The following BMP6 variants were observed in gnomAD, a reference collection of about 807,000 sequenced individuals.
The protein encoded by BMP6 is VG-1-R.
Under a neutral mutation model 54.1 loss-of-function variants are expected in BMP6, and 17 were observed. The ratio of observed to expected loss-of-function variants is 0.31; its 90% CI spans 0.22 to 0.47. The LOEUF is 0.47. Ranked by LOEUF, BMP6 falls within the 20% of genes least tolerant of loss-of-function variation. The pLI is 1.00. For synonymous variants in BMP6, 328 were observed against 291.2 expected, an observed-to-expected ratio of 1.13 and a Z score of -1.28; for missense variants, 720 against 690.4, an observed-to-expected ratio of 1.04 and a Z score of -0.48.
intron 1 of BMP6, among the ~76,000 whole-genome samples, chr6:7,798,484 G>A (rs1305355366): frequency 1.3e-5 from 2 of 152,220 alleles, no homozygotes; most frequent in Non-Finnish European, 2.9e-5. Context: ...GTGCGCATGA[G>A]CATCTCAGCA....
chr6:7,803,201 A>G lies in BMP6; in HGVS notation c.665-41939A>G, dbSNP rs191684015. Among the ~76,000 whole-genome samples the G allele has an allele frequency of 1.6e-4, 24 of 152,290 alleles. No individual in the cohort carries two copies. In the East Asian group the frequency reaches 4.3e-3, roughly 27 times the overall value. On this transcript the variant is annotated intron_variant, in intron 1 of 6. Transcript: ENST00000283147. Reference sequence around the variant, plus strand: ...AGCGTACATCCACCTCAAGGTAGAAAGACCGTGACTGGCTCAAGCTTGGCT... The same window carrying G: ...AGCGTACATCCACCTCAAGGTAGAAGGACCGTGACTGGCTCAAGCTTGGCT...
At chr6:7,869,929 C>G (rs562165297) in intron 4 of BMP6, among the ~76,000 whole-genome samples, 1 of 152,172 alleles carries the variant, frequency 6.6e-6, no homozygotes, top group African/African-American at 2.4e-5. Flanking sequence ...GTGCTGGGAG[C>G]TGCAGCATGT....
chr6:7,768,006 T>A (rs1757718249), intron 1 of BMP6, among the ~76,000 whole-genome samples: 1 of 152,036 alleles, frequency 6.6e-6, no homozygotes, highest in South Asian at 2.1e-4. Flanking sequence ...GGTCTCAGGT[T>A]TTTTTCTCCC....
chr6:7,851,412 C>T (rs1456944234), intron 2 of BMP6, among the ~76,000 whole-genome samples: 1 of 152,114 alleles, frequency 6.6e-6, no homozygotes, highest in Non-Finnish European at 1.5e-5. Flanking sequence ...GGTTTTTGCT[C>T]ACATATAGCA....
At chr6:7,776,513 C>T (rs890098903) in intron 1 of BMP6, among the ~76,000 whole-genome samples, 2 of 152,188 alleles carry the variant, frequency 1.3e-5, no homozygotes, top group African/African-American at 4.8e-5. Context: ...GAGGAAGAAC[C>T]TCATGGTGTC....
At chr6:7,837,190 T>C (rs1758888962) in intron 1 of BMP6, among the ~76,000 whole-genome samples, 1 of 152,264 alleles carries the variant, frequency 6.6e-6, no homozygotes, top group African/African-American at 2.4e-5. Flanking sequence ...CTTTTTCCTC[T>C]CTGTTGTTCC....
intron 1 of BMP6, among the ~76,000 whole-genome samples, chr6:7,792,703 G>C (rs956236329): frequency 2.0e-4 from 31 of 152,232 alleles, no homozygotes; most frequent in Non-Finnish European, 4.4e-5. Context: ...GGCAGAGCCA[G>C]TAACAGAGGA....
intron 1 of BMP6, among the ~76,000 whole-genome samples, chr6:7,767,773 T>C (rs1757713963): frequency 2.0e-5 from 3 of 152,200 alleles, no homozygotes; most frequent in Admixed American, 2.0e-4. Context: ...GCTTGCTGTG[T>C]CTCTTGTGTT....
chr6:7,743,024 A>G (rs1757292746), intron 1 of BMP6, among the ~76,000 whole-genome samples: 1 of 152,176 alleles, frequency 6.6e-6, no homozygotes, highest in Non-Finnish European at 1.5e-5. Flanking sequence ...GGAGAGAGAG[A>G]GATGGCTTGA....
In BMP6 at chr6:7,861,105, G is replaced by A. The variant is rs879912566; in HGVS notation, c.858-346G>A. Among the ~76,000 whole-genome samples the A allele has an allele frequency of 1.8e-4, 28 of 151,910 alleles. 1 individual carries two copies. Among genetic ancestry groups the A allele is most frequent in the South Asian group, 1.5e-3 (7 of 4,824 alleles). ...GTCTCAAAAAAAAAAAAATAAAAAA[G>A]TTTTTTAAAAAATCATTTATTTGTA... On this transcript the variant is annotated intron_variant, in intron 2 of 6. Transcript: ENST00000283147.
chr6:7,824,905 C>G lies in BMP6; in HGVS notation c.665-20235C>G, dbSNP rs562057261. 2.4e-3 allele frequency among the ~76,000 whole-genome samples: 370 copies of G among 152,302 alleles called. No homozygotes were observed. The Middle Eastern group carries it at 0.031, about 13-fold the overall frequency. On this transcript the variant is annotated intron_variant, in intron 1 of 6. Coordinates refer to ENST00000283147, the MANE Select transcript of BMP6 (RefSeq NM_001718.6). ...AGATGGGAAAAAGGGAAAAGGTAGG[C>G]GTTTAACAAAGGCATTTCATACCAC...
In BMP6 at chr6:7,880,612, C is replaced by T. The variant is rs1759702574; in HGVS notation, c.*269C>T. ...TAACTGCAGAAACATAACCGTGAAG[C>T]TCTTCCTACCCTCCTCCCCCAAAAA... is the stretch of plus-strand genomic sequence containing the variant. On this transcript the variant is annotated 3_prime_UTR_variant, in exon 7 of 7. Transcript: ENST00000283147. The T allele has an allele frequency of 2.1e-6, 1 of 477,388 alleles. No homozygotes were observed. The highest frequency in any genetic ancestry group is 2.9e-5 in the South Asian group (1 of 34,580). The allele number at this position is 477,388 out of a possible 1,614,324, so 29.6% of individuals were successfully genotyped here. A position where few individuals can be genotyped will look rare whatever the true frequency, so the allele number is the denominator to read the frequency against.
intron 1 of BMP6, among the ~76,000 whole-genome samples, chr6:7,760,418 C>A (rs1307380871): frequency 6.6e-6 from 1 of 152,040 alleles, no homozygotes; most frequent in Non-Finnish European, 1.5e-5. Flanking sequence ...CTCTGGGTGA[C>A]TTTGGGCAAG....
At chr6:7,764,666 G>C (rs1240942278) in intron 1 of BMP6, among the ~76,000 whole-genome samples, 2 of 152,018 alleles carry the variant, frequency 1.3e-5, no homozygotes, top group African/African-American at 4.8e-5. Flanking sequence ...ATTTTTTTAG[G>C]GGCAGGGTCT....
chr6:7,864,010 GAAA>G (rs5874117), intron 4 of BMP6, among the ~76,000 whole-genome samples: 2,189 of 128,890 alleles, frequency 0.017, 54 homozygotes, highest in African/African-American at 0.059. Context: ...AGACTCCATC[GAAA>G]AAAAAAAAAA....
chr6:7,814,015 GCTGA>G (rs1167639662), intron 1 of BMP6, among the ~76,000 whole-genome samples: 2 of 152,120 alleles, frequency 1.3e-5, no homozygotes, highest in African/African-American at 2.4e-5. Flanking sequence ...CCCTTTTCTT[GCTGA>G]CTGTCAGCCA....
chr6:7,791,952 T>C (rs982882016), intron 1 of BMP6, among the ~76,000 whole-genome samples: 5 of 152,148 alleles, frequency 3.3e-5, no homozygotes. Context: ...AAGAACAGGT[T>C]AGATTCTTGT....
chr6:7,832,842 G>T (rs1758813015), intron 1 of BMP6, among the ~76,000 whole-genome samples: 1 of 150,852 alleles, frequency 6.6e-6, no homozygotes, highest in Non-Finnish European at 1.5e-5. Flanking sequence ...CAAGTATATT[G>T]TATGAGGAAG....
chr6:7,830,151 C>G (rs7768988), intron 1 of BMP6, among the ~76,000 whole-genome samples: 9 of 152,094 alleles, frequency 5.9e-5, no homozygotes, highest in Non-Finnish European at 1.3e-4. Context: ...GAGCACCCCC[C>G]CTCTCTCTCA....
Sources: gnomAD v4.1 joint callset for allele counts (sites outside exome capture counted in the v4.1 genomes callset) on GRCh38, gnomAD v4.1.1 for gene constraint, MANE v1.5 for transcripts, NCBI Gene and HGNC (gene_info 2026-07-23, HGNC 2026-07-21) for gene names.